The following FAM234B variants were observed in gnomAD, a reference collection of about 807,000 sequenced individuals.
The protein encoded by FAM234B is protein FAM234B.
FAM234B carries 33 observed loss-of-function variants against 69.3 expected under a neutral mutation model. The observed-to-expected ratio is 0.48, with a 90% CI of 0.36 to 0.64. The LOEUF (loss-of-function observed/expected upper bound fraction) is 0.64, where lower values mean the gene tolerates loss of function less well. Among genes scored for constraint, FAM234B ranks in the 30% least tolerant of loss-of-function variants. The pLI, the probability that FAM234B is intolerant of heterozygous loss-of-function variation, is 0.00. For synonymous variants in FAM234B, 306 were observed against 306.9 expected, an observed-to-expected ratio of 1.00 and a Z score of 0.03; for missense variants, 697 against 769.7, an observed-to-expected ratio of 0.91 and a Z score of 1.12.
intron 11 of FAM234B, among the ~76,000 whole-genome samples, chr12:13,076,448 C>T (rs1056195619): frequency 1.3e-5 from 2 of 152,238 alleles, no homozygotes; most frequent in African/African-American, 2.4e-5. Context: ...TGAGCATCAT[C>T]TGTATGCCAG....
At chr12:13,060,982 A>G (rs1348363144) in intron 3 of FAM234B, among the ~76,000 whole-genome samples, 2 of 152,174 alleles carry the variant, frequency 1.3e-5, no homozygotes, top group Non-Finnish European at 2.9e-5. Flanking sequence ...AGCAAGACCC[A>G]CTCATCATTG....
Position 13,067,952 on chromosome 12 carries a change from G to C in FAM234B, c.1143-352G>C, listed in dbSNP as rs1340897880. On this transcript the variant is annotated intron_variant, in intron 7 of 12. Coordinates refer to ENST00000197268, the MANE Select transcript of FAM234B (RefSeq NM_020853.2). The surrounding 1 kb of genome is among the most constrained non-coding windows in gnomAD (Gnocchi z 4.7). Reference sequence around the variant, plus strand: ...ATGTATGCCATGGGCTGCTGCCCAAGCTCATTGGCAACCTCTGGCCTCCTG... The same window carrying C: ...ATGTATGCCATGGGCTGCTGCCCAACCTCATTGGCAACCTCTGGCCTCCTG... Among the ~76,000 whole-genome samples, 2 of 152,214 alleles carry C rather than the reference G, an allele frequency of 1.3e-5. No homozygotes were observed. The highest frequency in any genetic ancestry group is 2.9e-5 in the Non-Finnish European group (2 of 68,042).
chr12:13,056,409 T>C (rs570276749), intron 2 of FAM234B, among the ~76,000 whole-genome samples: 1 of 152,356 alleles, frequency 6.6e-6, no homozygotes, highest in Non-Finnish European at 1.5e-5. Flanking sequence ...TGCTATCTTT[T>C]CTTTCTTGCT....
intron 10 of FAM234B, among the ~76,000 whole-genome samples, chr12:13,073,824 C>T (rs1235762682): frequency 6.6e-6 from 1 of 152,184 alleles, no homozygotes; most frequent in South Asian, 2.1e-4. Flanking sequence ...AGGGCATGAA[C>T]AAGATTAATT....
In FAM234B at chr12:13,061,447, G is replaced by T. The variant is rs535676651; in HGVS notation, c.533-128G>T. The T allele has an allele frequency of 7.9e-5, 53 of 670,230 alleles. No homozygotes were observed. The South Asian group carries it at 9.9e-4, about 13-fold the overall frequency. 41.5% of individuals were successfully genotyped at this position (670,230 alleles called of 1,614,324 possible). ...ATCTTGCTGCCAGAAGTGTGAGAGG[G>T]AGCTGAATACACAAGTGTGGTTGCT... is the stretch of plus-strand genomic sequence containing the variant. On this transcript the variant is annotated intron_variant, in intron 3 of 12. Coordinates refer to ENST00000197268, the MANE Select transcript of FAM234B (RefSeq NM_020853.2).
intron 3 of FAM234B, 130 bp downstream of exon 3, chr12:13,058,679 T>C (rs1864956826): frequency 9.1e-6 from 7 of 768,254 alleles, no homozygotes; most frequent in Non-Finnish European, 1.6e-5. Context: ...GGTTCTGGCA[T>C]ACATGAAAAC....
intron 5 of FAM234B, 143 bp downstream of exon 5, chr12:13,063,118 G>T (rs1244129135): frequency 3.0e-6 from 3 of 1,005,840 alleles, no homozygotes; most frequent in Non-Finnish European, 4.4e-6. Context: ...TCTTTGTGAG[G>T]TTAAGTGAAT....
intron 9 of FAM234B, 74 bp downstream of exon 9, chr12:13,068,785 C>CAA: frequency 1.0e-6 from 1 of 954,226 alleles, no homozygotes; most frequent in Non-Finnish European, 1.6e-6. Context: ...GTGTTAGGCA[C>CAA]AGCAGGGAAT....
intron 9 of FAM234B, among the ~76,000 whole-genome samples, chr12:13,070,187 AT>A (rs1865089416): frequency 2.3e-5 from 2 of 85,572 alleles, no homozygotes; most frequent in Non-Finnish European, 4.1e-5. Context: ...ATATATATAT[AT>A]ATATATATAT....
rs1865069204 is a variant in FAM234B, at chr12:13,068,693, T to G, written c.1350T>G (p.Asp450Glu). The change falls in exon 9 of 13, where the codon GAT (aspartate) becomes GAG (glutamate). Residue 450 changes from aspartate (D) to glutamate (E), a missense_variant. This residue lies in a region of FAM234B where 313 missense variants were observed against 305.5 expected (regional missense o/e 1.02). Transcript: ENST00000197268. ...TAGATTTCCTTCTGCAGATACAGGATGGAGTTGGGATGAAAAAGGTAAAAC... is the reference window on the plus strand; with the variant it reads ...TAGATTTCCTTCTGCAGATACAGGAGGGAGTTGGGATGAAAAAGGTAAAAC... ...QTLDFLLQIQ[D>E]GVGMKKMMVV... is the part of the protein sequence containing the mutation. 1.2e-6 allele frequency: 2 copies of G among 1,610,790 alleles called. No homozygotes were observed. The highest frequency in any genetic ancestry group is 1.7e-6 in the Non-Finnish European group (2 of 1,176,984).
intron 1 of FAM234B, among the ~76,000 whole-genome samples, chr12:13,052,295 C>T (rs758094444): frequency 3.0e-4 from 45 of 152,172 alleles, no homozygotes; most frequent in South Asian, 2.1e-3. Context: ...GTTGATAGGT[C>T]TTTGTAAGTA....
intron 3 of FAM234B, among the ~76,000 whole-genome samples, chr12:13,059,465 G>C (rs1055101471): frequency 6.6e-6 from 1 of 152,160 alleles, no homozygotes; most frequent in African/African-American, 2.4e-5. Flanking sequence ...ACACATGTCA[G>C]CTGTAGAAAA....
At chr12:13,076,219 A>T in intron 11 of FAM234B, 76 bp downstream of exon 11, 2 of 1,086,456 alleles carry the variant, frequency 1.8e-6, no homozygotes, top group Admixed American at 3.5e-5. Context: ...TAATGAGACC[A>T]TTGCCCCACC....
chr12:13,073,711 G>T (rs965483018), intron 10 of FAM234B, among the ~76,000 whole-genome samples: 3 of 152,140 alleles, frequency 2.0e-5, no homozygotes, highest in Non-Finnish European at 4.4e-5. Flanking sequence ...TGGAAAGTTC[G>T]CTCAACTTTA....
chr12:13,076,768 G>A (rs1453967121), intron 11 of FAM234B, among the ~76,000 whole-genome samples: 2 of 152,162 alleles, frequency 1.3e-5, no homozygotes, highest in African/African-American at 4.8e-5. Flanking sequence ...GATCCTATAT[G>A]GGAGACCCTC....
intron 2 of FAM234B, among the ~76,000 whole-genome samples, chr12:13,057,445 A>G (rs187948175): frequency 2.7e-5 from 4 of 148,676 alleles, no homozygotes; most frequent in African/African-American, 1.0e-4. Flanking sequence ...CCTTTAAGTA[A>G]TGCTTCCAGT....
rs2120457056 is a variant in FAM234B at position 13,055,709 on chromosome 12, G to A, written c.196G>A (p.Val66Ile). The A allele has an allele frequency of 6.2e-7, 1 of 1,614,248 alleles. No homozygotes were observed. Among genetic ancestry groups the A allele is most frequent in the Non-Finnish European group, 8.5e-7 (1 of 1,180,040 alleles). Residue 66 changes from valine (V) to isoleucine (I), a missense_variant, in exon 2 of 13, where the codon GTT becomes ATT. By Grantham distance (29) the Val-to-Ile change is conservative. Around this residue, in one of 3 missense-constraint regions of FAM234B, gnomAD observed 380 missense variants for 447.1 expected, o/e 0.85. Transcript: ENST00000197268. ...EAPEPDSDAE[V>I]AEAAKPHLSE... is the part of the protein sequence containing the mutation. ...GCCAGAACCCGACTCAGATGCTGAG[G>A]TTGCAGAGGCTGCAAAGCCACATCT...
intron 2 of FAM234B, among the ~76,000 whole-genome samples, chr12:13,058,073 AG>A (rs1864949529): frequency 6.6e-6 from 1 of 152,158 alleles, no homozygotes; most frequent in Non-Finnish European, 1.5e-5. Flanking sequence ...GCTTTTGGCT[AG>A]GGAAGGCAGC....
chr12:13,061,286 G>A (rs1864979493), intron 3 of FAM234B, among the ~76,000 whole-genome samples: 1 of 152,210 alleles, frequency 6.6e-6, no homozygotes, highest in Non-Finnish European at 1.5e-5. Flanking sequence ...AGTTGGGGCC[G>A]AGGTGGCAGA....
Sources: gnomAD v4.1 joint callset for allele counts (sites outside exome capture counted in the v4.1 genomes callset) on GRCh38, gnomAD v4.1.1 for gene constraint, gnomAD v4.1.1 regional missense constraint, Gnocchi (gnomAD v3.1) non-coding constraint, MANE v1.5 for transcripts, NCBI Gene and HGNC (gene_info 2026-07-23, HGNC 2026-07-21) for gene names.